The following CATSPER3 variants were observed in gnomAD, a reference collection of about 807,000 sequenced individuals.
CATSPER3 encodes the protein cation channel sperm-associated protein 3.
A neutral mutation model predicts 36.6 loss-of-function variants in CATSPER3; 23 were observed. The ratio of observed to expected loss-of-function variants is 0.63; its 90% confidence interval spans 0.45 to 0.89. CATSPER3 has a LOEUF of 0.89. CATSPER3 is among the 40% of genes least tolerant of loss of function. CATSPER3 has a pLI of 0.00. For synonymous variants in CATSPER3, 172 were observed against 184.1 expected (o/e 0.93, Z 0.53); for missense variants, 474 against 503.9 (o/e 0.94, Z 0.57).
At chr5:135,000,384 T>C (rs1322710074) in intron 3 of CATSPER3, among the ~76,000 whole-genome samples, 1 of 152,234 alleles carries the variant, frequency 6.6e-6, no homozygotes, top group Non-Finnish European at 1.5e-5. Context: ...AAATTCTCTT[T>C]TTTTGTTGTG....
chr5:135,002,287 G>A (rs1413470385), intron 3 of CATSPER3, among the ~76,000 whole-genome samples: 7 of 152,132 alleles, frequency 4.6e-5, no homozygotes, highest in African/African-American at 2.4e-5. Context: ...GTTGAATATT[G>A]GCCCCCACTC....
intron 2 of CATSPER3, among the ~76,000 whole-genome samples, chr5:134,994,331 C>A (rs966519999): frequency 6.6e-6 from 1 of 151,884 alleles, no homozygotes; most frequent in Non-Finnish European, 1.5e-5. Flanking sequence ...ATAAAAATGC[C>A]CAACTTTATT....
At chr5:134,993,733 T>C (rs988814624) in intron 2 of CATSPER3, among the ~76,000 whole-genome samples, 8 of 152,234 alleles carry the variant, frequency 5.3e-5, no homozygotes, top group Admixed American at 3.9e-4. Flanking sequence ...ATATATCCTT[T>C]AATGGCTATA....
intron 2 of CATSPER3, among the ~76,000 whole-genome samples, chr5:134,983,108 A>C (rs1180731525): frequency 6.6e-6 from 1 of 152,210 alleles, no homozygotes; most frequent in African/African-American, 2.4e-5. Context: ...CAAAAAAATC[A>C]GGTATATATG....
chr5:134,975,823 C>A (rs913946279), intron 2 of CATSPER3, among the ~76,000 whole-genome samples: 2 of 152,112 alleles, frequency 1.3e-5, no homozygotes, highest in African/African-American at 4.8e-5. Context: ...ATCTGCAATC[C>A]CATGTTTATT....
chr5:134,976,314 C>T (rs571413988), intron 2 of CATSPER3, among the ~76,000 whole-genome samples: 2 of 152,232 alleles, frequency 1.3e-5, no homozygotes, highest in East Asian at 3.9e-4. Flanking sequence ...GAGCAAGACC[C>T]CATACCAAAA....
intron 2 of CATSPER3, among the ~76,000 whole-genome samples, chr5:134,971,234 C>G (rs1751602562): frequency 6.6e-6 from 1 of 152,156 alleles, no homozygotes; most frequent in African/African-American, 2.4e-5. Context: ...CAGACGTTAG[C>G]CACTGTGCCC....
chr5:135,000,971 T>C (rs1458809363), intron 3 of CATSPER3, among the ~76,000 whole-genome samples: 2 of 152,226 alleles, frequency 1.3e-5, no homozygotes, highest in Non-Finnish European at 2.9e-5. Context: ...TGCTAGCTTT[T>C]GAATGTGTTT....
chr5:134,994,388 C>T (rs576972308), intron 2 of CATSPER3, among the ~76,000 whole-genome samples: 1 of 152,244 alleles, frequency 6.6e-6, no homozygotes, highest in East Asian at 1.9e-4. Flanking sequence ...TCATATTTGT[C>T]ACATTGATGA....
In CATSPER3 at chr5:134,970,214, G is replaced by A. The variant is rs1751586156; in HGVS notation, c.252+122G>A. 1.0e-5 allele frequency: 10 copies of A among 954,530 alleles called. No homozygotes were observed. The South Asian group carries it at 1.1e-4, about 11-fold the overall frequency. The allele number at this position is 954,530 out of a possible 1,614,324, so 59.1% of individuals were successfully genotyped here. On this transcript the variant is annotated intron_variant, in intron 2 of 7. Coordinates refer to ENST00000282611, the MANE Select transcript of CATSPER3 (RefSeq NM_178019.3). ...TCACTCTGTCAGGCTGGAGTGCAGT[G>A]GCGTGATCTCAGCTCACTGCAACCT...
chr5:134,988,459 T>A (rs917914760), intron 2 of CATSPER3, among the ~76,000 whole-genome samples: 1 of 152,240 alleles, frequency 6.6e-6, no homozygotes, highest in Admixed American at 6.5e-5. Context: ...GCCAATCCTC[T>A]CAAACCCTGC....
chr5:135,010,656 G>C, intron 7 of CATSPER3, 126 bp downstream of exon 7: 1 of 831,080 alleles, frequency 1.2e-6, no homozygotes, highest in Non-Finnish European at 2.0e-6. Flanking sequence ...GGTGGAACAT[G>C]GCTTTCTTGG....
chr5:135,009,094 G>A, intron 5 of CATSPER3, 113 bp downstream of exon 5: 2 of 1,433,066 alleles, frequency 1.4e-6, no homozygotes, highest in East Asian at 2.3e-5. Flanking sequence ...CCAATGAAGT[G>A]GAGTAGAGGT....
chr5:134,974,368 A>C (rs1048971865), intron 2 of CATSPER3, among the ~76,000 whole-genome samples: 5 of 152,228 alleles, frequency 3.3e-5, no homozygotes, highest in Non-Finnish European at 7.3e-5. Flanking sequence ...CTAGGGATGG[A>C]TGCATGAATT....
intron 2 of CATSPER3, among the ~76,000 whole-genome samples, chr5:134,984,763 A>G (rs1292280442): frequency 1.3e-5 from 2 of 151,860 alleles, no homozygotes; most frequent in Non-Finnish European, 2.9e-5. Context: ...CAGCAATCCC[A>G]CTACTGACTA....
intron 2 of CATSPER3, among the ~76,000 whole-genome samples, chr5:134,986,015 T>C (rs908202381): frequency 1.3e-5 from 2 of 152,044 alleles, no homozygotes; most frequent in African/African-American, 4.8e-5. Context: ...TATACATATA[T>C]AATGAATTCT....
intron 2 of CATSPER3, among the ~76,000 whole-genome samples, chr5:134,979,043 C>T (rs943649796): frequency 2.6e-5 from 4 of 152,104 alleles, no homozygotes; most frequent in East Asian, 1.9e-4. Flanking sequence ...ATTTTCACTG[C>T]CTTGTCCACT....
At chr5:135,000,293 T>C (rs1340695436) in intron 3 of CATSPER3, among the ~76,000 whole-genome samples, 1 of 152,214 alleles carries the variant, frequency 6.6e-6, no homozygotes, top group Non-Finnish European at 1.5e-5. Flanking sequence ...GTGGATAAGC[T>C]TTTTGATGTG....
At chr5:135,009,317 G>T in intron 5 of CATSPER3, 54 bp from the exon 6 acceptor site, 1 of 1,592,120 alleles carries the variant, frequency 6.3e-7, no homozygotes, top group Admixed American at 1.7e-5. Flanking sequence ...GGAAAGACTG[G>T]GTCTGGGCAT....
Sources: gnomAD v4.1 joint callset for allele counts (sites outside exome capture counted in the v4.1 genomes callset) on GRCh38, gnomAD v4.1.1 for gene constraint, MANE v1.5 for transcripts, NCBI Gene and HGNC (gene_info 2026-07-23, HGNC 2026-07-21) for gene names.